The following SUGCT variants were observed in gnomAD, a reference collection of about 807,000 sequenced individuals.
SUGCT encodes succinyl-CoA:glutarate-CoA transferase, also known as succinyl-CoA:glutarate CoA-transferase.
SUGCT carries 41 observed loss-of-function variants against 55.0 expected under a neutral mutation model. The observed-to-expected ratio is 0.74, with a 90% CI of 0.58 to 0.97. The LOEUF (loss-of-function observed/expected upper bound fraction) is 0.97, where lower values mean the gene tolerates loss of function less well. SUGCT is among the 50% of genes least tolerant of loss of function. SUGCT has a pLI of 0.00. For synonymous variants in SUGCT, 187 were observed against 200.4 expected, an observed-to-expected ratio of 0.93 and a Z score of 0.56; for missense variants, 568 against 547.8, an observed-to-expected ratio of 1.04 and a Z score of -0.37.
At chr7:40,828,121 A>G (rs921207157) in intron 13 of SUGCT, among the ~76,000 whole-genome samples, 32 of 152,230 alleles carry the variant, frequency 2.1e-4, no homozygotes, top group Admixed American at 1.9e-3. Context: ...AAAAGAGGTA[A>G]TTGGAACATG....
chr7:40,910,373 G>C, the SUGCT span, among the ~76,000 whole-genome samples: 2 of 152,092 alleles, frequency 1.3e-5, no homozygotes, highest in Non-Finnish European at 2.9e-5. Context: ...AACTTAGGTT[G>C]GTACTTGCTA....
intron 12 of SUGCT, among the ~76,000 whole-genome samples, chr7:40,526,276 C>A (rs1049829368): frequency 2.6e-5 from 4 of 151,968 alleles, no homozygotes; most frequent in Admixed American, 1.3e-4. Flanking sequence ...TATAGGGTTG[C>A]CATAAGGATT....
At chr7:40,164,421 C>T (rs1439098214) in intron 1 of SUGCT, among the ~76,000 whole-genome samples, 3 of 152,102 alleles carry the variant, frequency 2.0e-5, no homozygotes, top group Non-Finnish European at 4.4e-5. Context: ...AGCCACTGCG[C>T]CCGGCCTGAA....
chr7:40,456,869 G>A (rs1426303964), intron 10 of SUGCT, among the ~76,000 whole-genome samples: 1 of 152,142 alleles, frequency 6.6e-6, no homozygotes, highest in Non-Finnish European at 1.5e-5. Flanking sequence ...CATGGTAACA[G>A]GTGATGTTAG....
intron 12 of SUGCT, among the ~76,000 whole-genome samples, chr7:40,628,250 G>A (rs80355292): frequency 0.078 from 11,870 of 152,210 alleles, 569 homozygotes; most frequent in East Asian, 0.25. Flanking sequence ...TGGATAAAGG[G>A]GACTACTGCA....
intron 12 of SUGCT, among the ~76,000 whole-genome samples, chr7:40,515,312 A>G (rs1793176207): frequency 6.6e-6 from 1 of 152,198 alleles, no homozygotes; most frequent in Non-Finnish European, 1.5e-5. Context: ...CTTTTTACAA[A>G]AACAGCTTTA....
chr7:40,869,189 T>C, the SUGCT span, among the ~76,000 whole-genome samples: 1 of 152,198 alleles, frequency 6.6e-6, no homozygotes, highest in Admixed American at 6.5e-5. Flanking sequence ...GTAGATGTAA[T>C]GAAGGTCCAA....
At chr7:40,139,538 A>G (rs1225054267) in intron 1 of SUGCT, among the ~76,000 whole-genome samples, 2 of 152,128 alleles carry the variant, frequency 1.3e-5, no homozygotes, top group Non-Finnish European at 2.9e-5. Context: ...TCTTTTGAAA[A>G]ATGCCTACTC....
At chr7:40,868,973 T>C in the SUGCT span, among the ~76,000 whole-genome samples, 1 of 152,254 alleles carries the variant, frequency 6.6e-6, no homozygotes, top group Non-Finnish European at 1.5e-5. Flanking sequence ...TGTTAACATT[T>C]TATATAACCA....
chr7:40,287,534 G>A (rs1329017892), intron 8 of SUGCT, among the ~76,000 whole-genome samples: 1 of 147,966 alleles, frequency 6.8e-6, no homozygotes, highest in Non-Finnish European at 1.5e-5. Context: ...GTCTCTGTCT[G>A]TCACGCAGGC....
intron 12 of SUGCT, among the ~76,000 whole-genome samples, chr7:40,708,099 A>G (rs1262201301): frequency 6.6e-6 from 1 of 152,190 alleles, no homozygotes; most frequent in East Asian, 1.9e-4. Flanking sequence ...ATGTGGTCTC[A>G]AGGATACTTG....
At chr7:40,307,981 A>T (rs1405520919) in intron 8 of SUGCT, among the ~76,000 whole-genome samples, 2 of 152,210 alleles carry the variant, frequency 1.3e-5, no homozygotes, top group African/African-American at 4.8e-5. Context: ...TTTTCTACGA[A>T]TGCTAGCCCC....
At chr7:40,665,526 G>C (rs2151861091) in intron 12 of SUGCT, among the ~76,000 whole-genome samples, 1 of 152,170 alleles carries the variant, frequency 6.6e-6, no homozygotes, top group Middle Eastern at 3.4e-3. Flanking sequence ...TCCAGCATGA[G>C]TGAAGCCAAG....
At chr7:40,690,390 C>T (rs978866675) in intron 12 of SUGCT, among the ~76,000 whole-genome samples, 1 of 152,142 alleles carries the variant, frequency 6.6e-6, no homozygotes, top group Non-Finnish European at 1.5e-5. Flanking sequence ...CAAATATTAT[C>T]TTTCGTAAGC....
chr7:41,004,887 G>T, the SUGCT span, among the ~76,000 whole-genome samples: 2 of 152,256 alleles, frequency 1.3e-5, no homozygotes, highest in Non-Finnish European at 2.9e-5. Context: ...AAGCTCCCAA[G>T]ATATGGCAGG....
intron 9 of SUGCT, among the ~76,000 whole-genome samples, chr7:40,397,288 AT>A (rs35522163): frequency 0.11 from 16,755 of 152,122 alleles, 1,381 homozygotes; most frequent in East Asian, 0.48. Flanking sequence ...TACTGACAAA[AT>A]TCCATCCATC....
At chr7:40,719,330 A>T (rs1786193818) in intron 12 of SUGCT, among the ~76,000 whole-genome samples, 1 of 152,014 alleles carries the variant, frequency 6.6e-6, no homozygotes, top group African/African-American at 2.4e-5. Context: ...ATGTATTGTG[A>T]TTATTCTTTA....
intron 1 of SUGCT, among the ~76,000 whole-genome samples, chr7:40,174,638 G>T (rs1163231726): frequency 6.6e-6 from 1 of 152,082 alleles, no homozygotes; most frequent in East Asian, 1.9e-4. Flanking sequence ...CCCAGACCTT[G>T]TCTCTCAAAA....
At chr7:40,391,138 A>G (rs996799886) in intron 9 of SUGCT, among the ~76,000 whole-genome samples, 1 of 152,184 alleles carries the variant, frequency 6.6e-6, no homozygotes, top group Admixed American at 6.5e-5. Context: ...TTAATTCAAG[A>G]TGGATTAAAG....
Sources: allele counts gnomAD v4.1 joint callset (sites outside exome capture counted in the v4.1 genomes callset), GRCh38; gene constraint gnomAD v4.1.1; transcripts MANE v1.5; gene names NCBI Gene and HGNC (gene_info 2026-07-23, HGNC 2026-07-21).